The following WDR59 variants were observed in gnomAD, a reference collection of about 807,000 sequenced individuals.
WDR59 encodes WD repeat domain 59, also known as GATOR2 complex protein WDR59.
WDR59 carries 100 observed loss-of-function variants against 131.2 expected under a neutral mutation model. The ratio of observed to expected loss-of-function variants is 0.76; its 90% CI spans 0.65 to 0.90. The LOEUF (loss-of-function observed/expected upper bound fraction) is 0.90. WDR59 is among the 40% of genes least tolerant of loss of function. The probability of loss-of-function intolerance (pLI) is 0.00; values close to 1 mark genes in which losing one functional copy is unlikely to be tolerated. For synonymous variants in WDR59, 601 were observed against 466.2 expected (o/e 1.29, Z -3.72); for missense variants, 1,203 against 1,262.2 (o/e 0.95, Z 0.71).
In WDR59 at chr16:74,965,739, A is replaced by C. The variant is rs750322634; in HGVS notation, c.104+34T>G. 15 of 1,613,694 alleles carry C rather than the reference A, an allele frequency of 9.3e-6. No homozygotes were observed. The East Asian group carries it at 3.1e-4, about 34-fold the overall frequency. On this transcript the variant is annotated intron_variant, in intron 2 of 25. Transcript: ENST00000262144. ...CCCCGATTTGCAAATCGTTTCCAGA[A>C]ATCATGGCAGACAAACTCGGCAAGC...
rs1385323981 is a variant in WDR59 at position 74,912,354 on chromosome 16, C to T, written c.1233G>A (p.Ala411=). ...CAGACACTGTGCAGCTCCTGTCTGC[C>T]GCATCCATCTGCAAGAGACAAATCC... ...QIRNVNVEMD[A]ADRSCTVSVH... Residue 411 remains alanine (A), a synonymous_variant, in exon 14 of 26, where the codon GCG becomes GCA. Transcript: ENST00000262144. 7.4e-6 allele frequency: 12 copies of T among 1,612,168 alleles called. No homozygotes were observed. Among genetic ancestry groups the T allele is most frequent in the Admixed American group, 3.3e-5 (2 of 59,946 alleles).
chr16:74,935,507 T>C (rs1409960038), intron 8 of WDR59, among the ~76,000 whole-genome samples: 4 of 152,078 alleles, frequency 2.6e-5, no homozygotes, highest in Non-Finnish European at 5.9e-5. Flanking sequence ...ACACATTTAG[T>C]GATACCTTGC....
intron 8 of WDR59, among the ~76,000 whole-genome samples, chr16:74,935,433 G>T (rs1359316990): frequency 3.3e-5 from 5 of 151,874 alleles, no homozygotes; most frequent in African/African-American, 1.2e-4. Flanking sequence ...CTTTCTTCTT[G>T]ATCTATCCCT....
intron 3 of WDR59, 98 bp from the exon 4 acceptor site, chr16:74,951,641 T>G: frequency 2.0e-6 from 2 of 1,015,262 alleles, no homozygotes; most frequent in Non-Finnish European, 3.0e-6. Context: ...AGGGATCTCA[T>G]GCATGGCAAA....
intron 4 of WDR59, chr16:74,950,027 T>TG: frequency 1.8e-6 from 1 of 567,254 alleles, no homozygotes; most frequent in East Asian, 4.0e-5. Flanking sequence ...AGAAAAGAAA[T>TG]GGAGTGCTTC....
chr16:74,961,653 A>G (rs2033574473), intron 2 of WDR59, among the ~76,000 whole-genome samples: 1 of 152,088 alleles, frequency 6.6e-6, no homozygotes, highest in Non-Finnish European at 1.5e-5. Flanking sequence ...TATTTCTTGT[A>G]AATTTGTTTA....
chr16:74,918,920 C>G (rs1053615373), intron 10 of WDR59, among the ~76,000 whole-genome samples: 1 of 152,156 alleles, frequency 6.6e-6, no homozygotes, highest in African/African-American at 2.4e-5. Context: ...TCATACATCA[C>G]TAGGCACAGC....
At chr16:74,919,032 T>C (rs1431982420) in intron 10 of WDR59, among the ~76,000 whole-genome samples, 1 of 152,120 alleles carries the variant, frequency 6.6e-6, no homozygotes, top group Non-Finnish European at 1.5e-5. Context: ...TGGCTTCTCT[T>C]CCTGCCCCTG....
chr16:74,970,903 T>A (rs891299717), intron 1 of WDR59, among the ~76,000 whole-genome samples: 2 of 150,252 alleles, frequency 1.3e-5, no homozygotes, highest in African/African-American at 5.0e-5. Context: ...AAAAAAAAAA[T>A]TAGCCAGGAA....
rs533174049 is a variant in WDR59, at chr16:74,929,693, G to T, written c.652-5690C>A. On this transcript the variant is annotated intron_variant, in intron 8 of 25. Transcript: ENST00000262144. Reference sequence around the variant, plus strand: ...CCCACTGCTAGGTATACACCCCAAAGAAAAAAAACCAGTATAGCGAAGAGA... The same window carrying T: ...CCCACTGCTAGGTATACACCCCAAATAAAAAAAACCAGTATAGCGAAGAGA... Among the ~76,000 whole-genome samples, 8 of 151,788 alleles carry T rather than the reference G, an allele frequency of 5.3e-5. No homozygotes were observed. In the South Asian group the frequency reaches 1.5e-3, roughly 28 times the overall value.
chr16:74,887,933 C>T (rs1964847216), intron 22 of WDR59, among the ~76,000 whole-genome samples, 178 bp from the exon 23 acceptor site: 1 of 152,076 alleles, frequency 6.6e-6, no homozygotes. Flanking sequence ...GCCTGGCCAA[C>T]ATGGTGAAAC....
chr16:74,949,724 T>G lies in WDR59; in HGVS notation c.401A>C (p.Asp134Ala). 6.2e-7 allele frequency: 1 copy of G among 1,613,716 alleles called. No homozygotes were observed. The highest frequency in any genetic ancestry group is 8.5e-7 in the Non-Finnish European group (1 of 1,179,816). The part of the protein sequence containing the change: ...SSVDTYIYIW[D>A]IKDTRKPTVA... ...GCCTCCTAATTGTTCTTACTTGATA[T>G]CCCAAATGTAGATGTAGGTGTCCAC... Residue 134 changes from aspartate (D) to alanine (A), a missense_variant, in exon 5 of 26, where the codon GAT (aspartate) becomes GCT (alanine). Asp to Ala is a moderately radical substitution (Grantham distance 126, BLOSUM62 -2). Coordinates refer to ENST00000262144, the MANE Select transcript of WDR59 (RefSeq NM_030581.4).
At chr16:74,897,342 G>A (rs1331316708) in intron 18 of WDR59, among the ~76,000 whole-genome samples, 1 of 152,174 alleles carries the variant, frequency 6.6e-6, no homozygotes, top group Admixed American at 6.5e-5. Context: ...TTAGGATTAG[G>A]CACATTCAGA....
intron 8 of WDR59, among the ~76,000 whole-genome samples, chr16:74,935,757 G>C (rs1223629588): frequency 1.3e-5 from 2 of 152,054 alleles, no homozygotes; most frequent in African/African-American, 2.4e-5. Context: ...CTAGCACTGT[G>C]GGAGGCCAAG....
chr16:74,963,041 A>T (rs1252756412), intron 2 of WDR59: 1 of 152,206 alleles, frequency 6.6e-6, no homozygotes, highest in Non-Finnish European at 1.5e-5. Flanking sequence ...GGATTGTCTG[A>T]GTTCAGGAGA....
At chr16:74,911,729 A>G (rs1966103939) in intron 14 of WDR59, among the ~76,000 whole-genome samples, 2 of 152,280 alleles carry the variant, frequency 1.3e-5, no homozygotes, top group South Asian at 2.1e-4. Context: ...TAATTATAAA[A>G]TATCTTTTAG....
chr16:74,933,675 C>G (rs2031578774), intron 8 of WDR59, among the ~76,000 whole-genome samples: 1 of 152,160 alleles, frequency 6.6e-6, no homozygotes, highest in South Asian at 2.1e-4. Flanking sequence ...CAACCTCCAC[C>G]TCCCAGGTTC....
chr16:74,892,983 G>A (rs955736044), intron 19 of WDR59, among the ~76,000 whole-genome samples: 3 of 152,214 alleles, frequency 2.0e-5, no homozygotes, highest in Non-Finnish European at 4.4e-5. Context: ...TTATGAGTTC[G>A]AGTTTAGGAA....
chr16:74,976,046 T>C (rs1342732814), intron 1 of WDR59, among the ~76,000 whole-genome samples: 1 of 152,154 alleles, frequency 6.6e-6, no homozygotes, highest in Non-Finnish European at 1.5e-5. Flanking sequence ...ACAGTATACA[T>C]ATTAATAGTC....
Sources: allele counts gnomAD v4.1 joint callset (sites outside exome capture counted in the v4.1 genomes callset), GRCh38; gene constraint gnomAD v4.1.1; transcripts MANE v1.5; gene names NCBI Gene and HGNC (gene_info 2026-07-23, HGNC 2026-07-21).